Variants in CBFA2T3 observed in about 807,000 individuals in gnomAD.
CBFA2T3 encodes the protein transcriptional corepressor CBFA2T3.
Under a neutral mutation model 58.6 loss-of-function variants are expected in CBFA2T3, and 31 were observed. That is an observed-to-expected ratio of 0.53 (90% CI 0.40 to 0.71). CBFA2T3 has a LOEUF of 0.71. Ranked by LOEUF, CBFA2T3 falls within the 30% of genes least tolerant of loss-of-function variation. CBFA2T3 has a pLI of 0.00. For synonymous variants in CBFA2T3, 531 were observed against 421.9 expected, an observed-to-expected ratio of 1.26 and a Z score of -3.17; for missense variants, 1,076 against 963.1, an observed-to-expected ratio of 1.12 and a Z score of -1.55.
At chr16:88,975,243 C>T (rs74493899) in intron 1 of CBFA2T3, among the ~76,000 whole-genome samples, 6,132 of 52,852 alleles carry the variant, frequency 0.12, 302 homozygotes, top group African/African-American at 0.19. Context: ...ATGTCAGAGG[C>T]CCGCCCTGAC....
At chr16:88,915,022 G>A (rs1970647304) in intron 1 of CBFA2T3, among the ~76,000 whole-genome samples, 2 of 151,184 alleles carry the variant, frequency 1.3e-5, no homozygotes, top group South Asian at 2.1e-4. Flanking sequence ...GGGGTGGAGG[G>A]AGGAAGGGGC....
chr16:88,902,668 G>C (rs871756), intron 1 of CBFA2T3, among the ~76,000 whole-genome samples: 38,030 of 152,200 alleles, frequency 0.25, 5,226 homozygotes, highest in Middle Eastern at 0.35. Context: ...AGGGGGTGCG[G>C]GTGTAAGCCC....
chr16:88,935,252 G>A (rs1182644221), intron 1 of CBFA2T3, among the ~76,000 whole-genome samples: 1 of 152,208 alleles, frequency 6.6e-6, no homozygotes, highest in Admixed American at 6.5e-5. Context: ...AGGGCCCCAT[G>A]TCCACTGCGC....
At position 88,875,809 on chromosome 16, in the gene CBFA2T3, ACT is replaced by A. The variant is rs2142517597; in HGVS notation, c.*1165_*1166del. The A allele has an allele frequency of 4.3e-6, 1 of 233,498 alleles. No homozygotes were observed. The highest frequency in any genetic ancestry group is 1.8e-4 in the South Asian group (1 of 5,538). 14.5% of individuals were successfully genotyped at this position (233,498 alleles called of 1,614,324 possible). A position where few individuals can be genotyped will look rare whatever the true frequency, so the allele number is the denominator to read the frequency against. On this transcript the variant is annotated 3_prime_UTR_variant, in exon 12 of 12. Coordinates refer to ENST00000268679, the MANE Select transcript of CBFA2T3 (RefSeq NM_005187.6). ...CTCTCTCTGGGAAGAAAACTTTAGCACTTTTTTTCCACAAGTGGAAAACGGAA... is the reference window on the plus strand; with the variant it reads ...CTCTCTCTGGGAAGAAAACTTTAGCATTTTTTCCACAAGTGGAAAACGGAA...
rs536116117 is a variant in CBFA2T3 at position 88,904,091 on chromosome 16, TGGCCACCACCTGCGTGCTCAC to T, written c.152-2456_152-2436del. ...ACAGCCGTCACCCAACAAGGGCTCATGGCCACCACCTGCGTGCTCACGGCCACCACCTGCGTGCTCGTGACA... is the reference window on the plus strand; with the variant it reads ...ACAGCCGTCACCCAACAAGGGCTCATGGCCACCACCTGCGTGCTCGTGACA... On this transcript the variant is annotated intron_variant, in intron 1 of 11. Transcript: ENST00000268679. 1.2e-3 allele frequency among the ~76,000 whole-genome samples: 185 copies of T among 152,258 alleles called. 1 individual carries two copies. Among genetic ancestry groups the T allele is most frequent in the African/African-American group, 3.3e-3 (137 of 41,536 alleles).
At chr16:88,944,821 C>CCCT (rs1971862336) in intron 1 of CBFA2T3, among the ~76,000 whole-genome samples, 1 of 152,250 alleles carries the variant, frequency 6.6e-6, no homozygotes, top group South Asian at 2.1e-4. Context: ...AGGCGCTAGG[C>CCCT]CCTCTCATGT....
At chr16:88,973,072 C>T (rs943220611) in intron 1 of CBFA2T3, among the ~76,000 whole-genome samples, 2 of 152,226 alleles carry the variant, frequency 1.3e-5, no homozygotes, top group African/African-American at 2.4e-5. Context: ...ACAGGGCCTG[C>T]GGCTGAAGGA....
At chr16:88,922,791 G>A (rs1485772147) in intron 1 of CBFA2T3, among the ~76,000 whole-genome samples, 1 of 152,252 alleles carries the variant, frequency 6.6e-6, no homozygotes, top group Non-Finnish European at 1.5e-5. Context: ...CCGTGGCACA[G>A]GCTTTGCCCC....
rs1567590637 is a variant in CBFA2T3 at position 88,898,151 on chromosome 16, A to G, written c.306T>C (p.His102=). 6.2e-7 allele frequency: 1 copy of G among 1,611,330 alleles called. No homozygotes were observed. Among genetic ancestry groups the G allele is most frequent in the African/African-American group, 1.3e-5 (1 of 75,012 alleles). The change falls in exon 3 of 12, where the codon CAT becomes CAC. Residue 102 remains histidine (H), a splice_region_variant and synonymous_variant. Transcript: ENST00000268679. Reference sequence around the variant, plus strand: ...GCAGCGTCGCAGGCCCGTCCTCTCGATCTGTAAGCAAAATAAGAAGAACAC... The same window carrying G: ...GCAGCGTCGCAGGCCCGTCCTCTCGGTCTGTAAGCAAAATAAGAAGAACAC... ...TRPPSFTPHT[H]REDGPATLPH... is the part of the protein sequence containing the mutation.
rs748235946 is a variant in CBFA2T3, at chr16:88,880,670, G to A, written c.1471+50C>T. The A allele has an allele frequency of 3.5e-5, 52 of 1,468,520 alleles. No homozygotes were observed. The South Asian group carries it at 5.7e-4, about 16-fold the overall frequency. The allele number at this position is 1,468,520 out of a possible 1,614,324, so 91.0% of individuals were successfully genotyped here. On this transcript the variant is annotated intron_variant, in intron 10 of 11. Transcript: ENST00000268679. The stretch of plus-strand genomic sequence containing the variant: ...TGAGCCGGTGAGAGGCGCATCTGGG[G>A]CCCTGGCCTCCCACAGCTCTGCTGG...
chr16:88,949,339 A>C (rs904375509), intron 1 of CBFA2T3, among the ~76,000 whole-genome samples: 2 of 152,188 alleles, frequency 1.3e-5, no homozygotes, highest in Non-Finnish European at 2.9e-5. Context: ...AGGGCAGATC[A>C]CTTGAGGTCA....
intron 3 of CBFA2T3, among the ~76,000 whole-genome samples, chr16:88,897,621 T>C (rs1418793377): frequency 1.3e-5 from 2 of 152,218 alleles, no homozygotes; most frequent in East Asian, 3.8e-4. Context: ...ACTTCCATTT[T>C]ACAGGTGGGG....
chr16:88,948,140 A>G (rs1355460958), intron 1 of CBFA2T3, among the ~76,000 whole-genome samples: 2 of 152,112 alleles, frequency 1.3e-5, no homozygotes, highest in African/African-American at 4.8e-5. Flanking sequence ...TGTCCTAACC[A>G]TCTCACTGTG....
In CBFA2T3 at chr16:88,958,466, G is replaced by A. The variant is rs781564225; in HGVS notation, c.151+18191C>T. Among the ~76,000 whole-genome samples the A allele has an allele frequency of 8.5e-5, 13 of 152,130 alleles. No individual in the cohort carries two copies. Among genetic ancestry groups the A allele is most frequent in the Non-Finnish European group, 1.5e-4 (10 of 68,022 alleles). On this transcript the variant is annotated intron_variant, in intron 1 of 11. Coordinates refer to ENST00000268679, the MANE Select transcript of CBFA2T3 (RefSeq NM_005187.6). This position sits in a 1 kb window ranked among gnomAD's most constrained non-coding sequence, Gnocchi z 4.0. ...CGGCGGGGGAAGAAGGTTCTGGGGC[G>A]GGGCGTTAGAGTGACACCAGGTCCC... is the stretch of plus-strand genomic sequence containing the variant.
chr16:88,976,832 AC>A lies in CBFA2T3; in HGVS notation c.-26del. 6.5e-7 allele frequency: 1 copy of A among 1,540,842 alleles called. No individual in the cohort carries two copies. Among genetic ancestry groups the A allele is most frequent in the Non-Finnish European group, 8.8e-7 (1 of 1,138,670 alleles). On this transcript the variant is annotated 5_prime_UTR_variant, in exon 1 of 12. The change abolishes the stop of an existing upstream ORF in the 5' untranslated region. Transcript: ENST00000268679. The stretch of plus-strand genomic sequence containing the variant: ...TGAGGAGGGCCACCCTCAGGGGCCA[AC>A]CTGGAGCCCAGGACAGGCCTCTACC...
chr16:88,912,373 C>T lies in CBFA2T3; in HGVS notation c.152-10717G>A, dbSNP rs1048840438. Among the ~76,000 whole-genome samples the T allele has an allele frequency of 6.6e-5, 10 of 152,324 alleles. No individual in the cohort carries two copies. The South Asian group carries it at 8.3e-4, about 13-fold the overall frequency. On this transcript the variant is annotated intron_variant, in intron 1 of 11. Coordinates refer to ENST00000268679, the MANE Select transcript of CBFA2T3 (RefSeq NM_005187.6). ...GGGACAGATGGGCTGGGGGTCTCTCCGTCAGTCTTGGCCAGCCACGCCAGC... is the reference window on the plus strand; with the variant it reads ...GGGACAGATGGGCTGGGGGTCTCTCTGTCAGTCTTGGCCAGCCACGCCAGC...
rs74033230 is a variant in CBFA2T3, at chr16:88,968,940, G to A, written c.151+7717C>T. ...TCTGAGCTCCAGGGTCTGCAGCGCT[G>A]CAGGCCTCACACAAATCGGGGGCCA... On this transcript the variant is annotated intron_variant, in intron 1 of 11. Coordinates refer to ENST00000268679, the MANE Select transcript of CBFA2T3 (RefSeq NM_005187.6). Among the ~76,000 whole-genome samples, 865 of 152,288 alleles carry A rather than the reference G, an allele frequency of 5.7e-3. 9 individuals carry two copies. Among genetic ancestry groups the A allele is most frequent in the African/African-American group, 0.02 (816 of 41,568 alleles).
chr16:88,898,229 C>T, intron 2 of CBFA2T3, 77 bp from the exon 3 acceptor site: 2 of 1,104,814 alleles, frequency 1.8e-6, no homozygotes, highest in African/African-American at 1.5e-5. Context: ...CGCCCGCGGC[C>T]ACCTTTTCCT....
At chr16:88,894,243 CATAT>C in intron 3 of CBFA2T3, among the ~76,000 whole-genome samples, 4 of 57,706 alleles carry the variant, frequency 6.9e-5, no homozygotes, top group African/African-American at 3.6e-4. Flanking sequence ...CACATGCATA[CATAT>C]ACACATGCAC....
Sources: allele counts gnomAD v4.1 joint callset (sites outside exome capture counted in the v4.1 genomes callset), GRCh38; gene constraint gnomAD v4.1.1; non-coding constraint Gnocchi (gnomAD v3.1); transcripts MANE v1.5; gene names NCBI Gene and HGNC (gene_info 2026-07-23, HGNC 2026-07-21).